The following PHLDB2 variants were observed in gnomAD, a reference collection of about 807,000 sequenced individuals.
The protein encoded by PHLDB2 is pleckstrin homology like domain family B member 2.
In PHLDB2, 71 loss-of-function variants were observed where a neutral mutation model predicts 123.6. The ratio of observed to expected loss-of-function variants is 0.57; its 90% CI spans 0.47 to 0.70. The LOEUF (loss-of-function observed/expected upper bound fraction) is 0.70. PHLDB2 is among the 30% of genes least tolerant of loss of function. PHLDB2 has a pLI of 0.00. For missense variants in PHLDB2, 1,446 were observed against 1,519.5 expected (o/e 0.95, Z 0.80); for synonymous variants, 547 against 541.6 (o/e 1.01, Z -0.14).
intron 1 of PHLDB2, among the ~76,000 whole-genome samples, chr3:111,862,894 C>G (rs1026523864): frequency 6.6e-6 from 1 of 152,114 alleles, no homozygotes; most frequent in African/African-American, 2.4e-5. Context: ...CTGAGACACT[C>G]AGAGCTTTAG....
intron 1 of PHLDB2, among the ~76,000 whole-genome samples, chr3:111,872,838 A>G (rs1268720931): frequency 6.6e-6 from 1 of 152,214 alleles, no homozygotes; most frequent in Non-Finnish European, 1.5e-5. Flanking sequence ...TGTAAGGTTA[A>G]GAGAAATCAA....
intron 1 of PHLDB2, among the ~76,000 whole-genome samples, chr3:111,860,363 C>A (rs1344032908): frequency 6.6e-6 from 1 of 152,152 alleles, no homozygotes; most frequent in South Asian, 2.1e-4. Context: ...TGACCCCCCA[C>A]TGAAAGTTTA....
intron 10 of PHLDB2, among the ~76,000 whole-genome samples, chr3:111,950,436 G>A (rs1453462255): frequency 6.6e-6 from 1 of 152,050 alleles, no homozygotes; most frequent in African/African-American, 2.4e-5. Context: ...TAAAGTTTTG[G>A]GAACTGAGGC....
chr3:111,956,200 T>C (rs2071047048), intron 12 of PHLDB2, among the ~76,000 whole-genome samples: 1 of 152,014 alleles, frequency 6.6e-6, no homozygotes, highest in Non-Finnish European at 1.5e-5. Flanking sequence ...TCTCAAAAAA[T>C]AAATTAATAA....
intron 2 of PHLDB2, among the ~76,000 whole-genome samples, chr3:111,892,574 C>T (rs1329674365): frequency 2.6e-5 from 4 of 152,084 alleles, no homozygotes; most frequent in African/African-American, 9.7e-5. Flanking sequence ...TAGAGAAGCT[C>T]TATACAAAAA....
chr3:111,890,213 A>G (rs1229899670), intron 2 of PHLDB2, among the ~76,000 whole-genome samples: 2 of 152,232 alleles, frequency 1.3e-5, no homozygotes, highest in African/African-American at 2.4e-5. Context: ...GCTGCCACCA[A>G]TGGAGATAAC....
At chr3:111,847,194 A>T (rs1179394743) in intron 2 of PHLDB2, among the ~76,000 whole-genome samples, 1 of 152,154 alleles carries the variant, frequency 6.6e-6, no homozygotes, top group Non-Finnish European at 1.5e-5. Context: ...AAAGGCTTTG[A>T]GAAGTTATTG....
intron 2 of PHLDB2, among the ~76,000 whole-genome samples, chr3:111,912,735 A>G (rs1275294186): frequency 1.2e-4 from 18 of 152,232 alleles, no homozygotes; most frequent in Admixed American, 1.2e-3. Context: ...CACAAGTATT[A>G]AGTCAGTAGT....
At position 111,777,916 on chromosome 3, in the gene PHLDB2, T is replaced by TC. The variant is rs1372329033; in HGVS notation, c.-49+45213_-49+45214insC. On this transcript the variant is annotated intron_variant, in intron 1 of 17. Coordinates refer to the PHLDB2 transcript ENST00000393923. ...TTCTTCTACATCATTACCCTCCCTT[T>TC]TTTTTAAGCTAAACGGACTGGCTTC... Among the ~76,000 whole-genome samples the TC allele has an allele frequency of 3.3e-5, 5 of 151,480 alleles. No individual in the cohort carries two copies. In the East Asian group the frequency reaches 9.7e-4, roughly 29 times the overall value.
intron 1 of PHLDB2, among the ~76,000 whole-genome samples, chr3:111,873,391 G>A (rs2065443220): frequency 6.6e-6 from 1 of 152,196 alleles, no homozygotes; most frequent in South Asian, 2.1e-4. Context: ...AGACGGGACA[G>A]AGCTTCGTAA....
intron 2 of PHLDB2, among the ~76,000 whole-genome samples, chr3:111,897,586 A>G (rs1240364522): frequency 6.6e-6 from 1 of 152,248 alleles, no homozygotes; most frequent in East Asian, 1.9e-4. Flanking sequence ...CTAAGACCAT[A>G]TCCCAGCTCT....
intron 1 of PHLDB2, among the ~76,000 whole-genome samples, chr3:111,867,662 G>A (rs1335544481): frequency 6.6e-6 from 1 of 151,910 alleles, no homozygotes; most frequent in East Asian, 1.9e-4. Flanking sequence ...CTAGTTTCCA[G>A]TCTGAAATTC....
intron 1 of PHLDB2, among the ~76,000 whole-genome samples, chr3:111,749,418 CTT>C (rs772532557): frequency 2.6e-5 from 4 of 152,112 alleles, no homozygotes; most frequent in Admixed American, 6.5e-5. Flanking sequence ...GGTTGATACT[CTT>C]TGCACTAAAT....
intron 1 of PHLDB2, among the ~76,000 whole-genome samples, chr3:111,795,844 C>T (rs2061134554): frequency 6.6e-6 from 1 of 152,168 alleles, no homozygotes; most frequent in Non-Finnish European, 1.5e-5. Context: ...CCTGCCTCAG[C>T]CTCCCCAGCA....
chr3:111,828,170 T>C (rs1351992346), intron 1 of PHLDB2, among the ~76,000 whole-genome samples: 1 of 152,200 alleles, frequency 6.6e-6, no homozygotes, highest in African/African-American at 2.4e-5. Flanking sequence ...AATGCTCCCA[T>C]GGAAGAGTTT....
chr3:111,856,890 A>G (rs1209807976), upstream of PHLDB2, among the ~76,000 whole-genome samples: 1 of 152,236 alleles, frequency 6.6e-6, no homozygotes, highest in Non-Finnish European at 1.5e-5. Flanking sequence ...ACAATATAGT[A>G]GAATGTGGTG....
rs2072015443 is a variant in PHLDB2 at position 111,969,237 on chromosome 3, AC to A, written c.3316-452del. Among the ~76,000 whole-genome samples the A allele has an allele frequency of 2.0e-5, 3 of 152,212 alleles. No homozygotes were observed. In the South Asian group the frequency reaches 6.2e-4, roughly 32 times the overall value. On this transcript the variant is annotated intron_variant, in intron 15 of 17. Transcript: ENST00000431670. ...GTGGGATCCTGTGGGGGCCGTACTTACTAAATAGTGTTCAATCAATCATGTC... is the reference window on the plus strand; with the variant it reads ...GTGGGATCCTGTGGGGGCCGTACTTATAAATAGTGTTCAATCAATCATGTC...
At chr3:111,839,652 T>G (rs1282901379) in intron 1 of PHLDB2, among the ~76,000 whole-genome samples, 2 of 152,162 alleles carry the variant, frequency 1.3e-5, no homozygotes, top group Non-Finnish European at 2.9e-5. Context: ...TGTGAATCGA[T>G]TTTTTTCTTT....
At chr3:111,930,153 C>T (rs1191838471) in intron 5 of PHLDB2, among the ~76,000 whole-genome samples, 2 of 151,708 alleles carry the variant, frequency 1.3e-5, no homozygotes, top group Admixed American at 6.6e-5. Context: ...ACCCGTGATC[C>T]GCCTGCCTCG....
Sources: allele counts gnomAD v4.1 joint callset (sites outside exome capture counted in the v4.1 genomes callset), GRCh38; gene constraint gnomAD v4.1.1; transcripts MANE v1.5; gene names NCBI Gene and HGNC (gene_info 2026-07-23, HGNC 2026-07-21).